Variants in SCRN1 observed in about 807,000 individuals in gnomAD.
The protein encoded by SCRN1 is secernin-1.
SCRN1 carries 19 observed loss-of-function variants against 43.3 expected under a neutral mutation model. That is an observed-to-expected ratio of 0.44 (90% CI 0.31 to 0.64). SCRN1 has a LOEUF of 0.64. Ranked by LOEUF, SCRN1 falls within the 30% of genes least tolerant of loss-of-function variation. The pLI, the probability that SCRN1 is intolerant of heterozygous loss-of-function variation, is 0.09. For missense variants in SCRN1, 447 were observed against 524.1 expected (o/e 0.85, Z 1.44); for synonymous variants, 183 against 188.9 (o/e 0.97, Z 0.26).
chr7:29,932,451 G>A (rs113249148), intron 6 of SCRN1, among the ~76,000 whole-genome samples: 3,091 of 151,928 alleles, frequency 0.02, 49 homozygotes, highest in East Asian at 0.068. Context: ...TCAGGACTTC[G>A]AGACCAGCCT....
intron 1 of SCRN1, among the ~76,000 whole-genome samples, chr7:29,969,514 G>T (rs1788603165): frequency 6.6e-6 from 1 of 152,212 alleles, no homozygotes; most frequent in Non-Finnish European, 1.5e-5. Flanking sequence ...TTTGGGGTGT[G>T]ATGAGGAAAT....
At chr7:29,947,146 T>C in intron 3 of SCRN1, 4 of 1,535,484 alleles carry the variant, frequency 2.6e-6, no homozygotes, top group Non-Finnish European at 3.5e-6. Context: ...ATCTATCTTC[T>C]GTGCAGTTCG....
In SCRN1 at chr7:29,923,043, T is replaced by C. The variant is rs1284547627; in HGVS notation, c.*914A>G. Reference sequence around the variant, plus strand: ...TTCTTTCCCTCCTTGGCTGAGAGATTCACTACTCTGTGGGTGGAACTGTGC... The same window carrying C: ...TTCTTTCCCTCCTTGGCTGAGAGATCCACTACTCTGTGGGTGGAACTGTGC... On this transcript the variant is annotated 3_prime_UTR_variant, in exon 8 of 8. Transcript: ENST00000242059. 1 of 123,448 alleles carries C rather than the reference T, an allele frequency of 8.1e-6. No homozygotes were observed. Among genetic ancestry groups the C allele is most frequent in the Non-Finnish European group, 1.9e-5 (1 of 51,900 alleles). The allele number at this position is 123,448 out of a possible 1,614,324, so 7.6% of individuals were successfully genotyped here.
intron 1 of SCRN1, among the ~76,000 whole-genome samples, chr7:29,986,836 T>C (rs1789175258): frequency 6.7e-6 from 1 of 149,696 alleles, no homozygotes; most frequent in South Asian, 2.1e-4. Context: ...GCGATTCTCC[T>C]GCCTCAGCCT....
At chr7:29,943,078 G>T (rs1298767760) in intron 4 of SCRN1, among the ~76,000 whole-genome samples, 1 of 152,186 alleles carries the variant, frequency 6.6e-6, no homozygotes, top group African/African-American at 2.4e-5. Context: ...ACTTGGAAGA[G>T]ACTTCCTGGT....
chr7:29,936,869 A>C, intron 5 of SCRN1, 148 bp from the exon 6 acceptor site: 2 of 454,392 alleles, frequency 4.4e-6, no homozygotes, highest in East Asian at 4.2e-5. Flanking sequence ...ACACGGTGAA[A>C]CCCCGTCTGT....
At chr7:29,926,297 G>A (rs1033187350) in intron 7 of SCRN1, among the ~76,000 whole-genome samples, 155 bp downstream of exon 7, 2 of 152,232 alleles carry the variant, frequency 1.3e-5, no homozygotes, top group African/African-American at 4.8e-5. Flanking sequence ...CAGCCTTCTA[G>A]GAAAGGCCCC....
rs529607507 is a variant in SCRN1, at chr7:29,985,233, G to A, written c.-2+4409C>T. On this transcript the variant is annotated intron_variant, in intron 1 of 7. Coordinates refer to ENST00000242059, the MANE Select transcript of SCRN1 (RefSeq NM_014766.5). Reference sequence around the variant, plus strand: ...AGCCTGACCAACATGGTGAAACCCCGTCTCTACTAAAAAATACAAAAATTA... The same window carrying A: ...AGCCTGACCAACATGGTGAAACCCCATCTCTACTAAAAAATACAAAAATTA... Among the ~76,000 whole-genome samples the A allele has an allele frequency of 1.1e-3, 151 of 142,850 alleles. 18 individuals carry two copies. Among genetic ancestry groups the A allele is most frequent in the African/African-American group, 4.0e-3 (151 of 37,498 alleles). The allele number at this position is 142,850 out of a possible 152,430, so 93.7% of individuals were successfully genotyped here. A position where few individuals can be genotyped will look rare whatever the true frequency, so the allele number is the denominator to read the frequency against.
chr7:29,982,682 C>CAAAAAA (rs10538004), intron 1 of SCRN1, among the ~76,000 whole-genome samples: 2 of 64,740 alleles, frequency 3.1e-5, no homozygotes, highest in Non-Finnish European at 6.0e-5. Context: ...GACCCTGTCT[C>CAAAAAA]AAAAAAAAAA....
At chr7:29,964,191 A>G (rs138949493) in intron 2 of SCRN1, among the ~76,000 whole-genome samples, 2 of 152,340 alleles carry the variant, frequency 1.3e-5, no homozygotes, top group Middle Eastern at 3.4e-3. Context: ...TTAAAAACTT[A>G]TGTCTACACA....
At chr7:29,949,664 C>T (rs546915928) in intron 3 of SCRN1, among the ~76,000 whole-genome samples, 1 of 147,382 alleles carries the variant, frequency 6.8e-6, no homozygotes, top group South Asian at 2.2e-4. Context: ...GGGCATAACC[C>T]ACCACATCAG....
chr7:29,923,982 T>C lies in SCRN1; in HGVS notation c.1220A>G (p.Asp407Gly). The change falls in exon 8 of 8, where the codon GAC becomes GGC. Residue 407 changes from aspartate (D) to glycine (G), a missense_variant. Coordinates refer to ENST00000242059, the MANE Select transcript of SCRN1 (RefSeq NM_014766.5). Reference sequence around the variant, plus strand: ...TCACTTAAAGAACTTAATCTCCGTGTCAACACAGTCATAGAAAAGGTCCCC... The same window carrying C: ...TCACTTAAAGAACTTAATCTCCGTGCCAACACAGTCATAGAAAAGGTCCCC... ...EVGDLFYDCV[D>G]TEIKFFK is the part of the protein sequence containing the mutation. 6.2e-7 allele frequency: 1 copy of C among 1,613,666 alleles called. No individual in the cohort carries two copies. Among genetic ancestry groups the C allele is most frequent in the Non-Finnish European group, 8.5e-7 (1 of 1,179,860 alleles).
At position 29,926,405 on chromosome 7, in the gene SCRN1, G is replaced by A. The variant is rs373499738; in HGVS notation, c.1086+47C>T. The A allele has an allele frequency of 6.6e-5, 105 of 1,588,798 alleles. 1 individual carries two copies. In the African/African-American group the frequency reaches 1.1e-3, roughly 17 times the overall value. On this transcript the variant is annotated intron_variant, in intron 7 of 7. Transcript: ENST00000242059. ...CCCTGCCTCCTTCCTCGCTGACCTC[G>A]CCCGCCCGCCTCCGCCTCCGCCTCT...
At chr7:29,962,203 T>G (rs1220727654) in intron 2 of SCRN1, among the ~76,000 whole-genome samples, 3 of 148,132 alleles carry the variant, frequency 2.0e-5, no homozygotes, top group Non-Finnish European at 4.5e-5. Context: ...ATAATTAAAT[T>G]ATACAATTAT....
upstream of SCRN1, chr7:29,989,964 G>A: frequency 1.4e-6 from 2 of 1,381,602 alleles, no homozygotes; most frequent in Non-Finnish European, 1.9e-6. Context: ...GAGGGGGCCT[G>A]GGAGCTGGAG....
intron 2 of SCRN1, among the ~76,000 whole-genome samples, chr7:29,966,354 T>A (rs1467867119): frequency 6.6e-6 from 1 of 152,172 alleles, no homozygotes; most frequent in African/African-American, 2.4e-5. Context: ...AGGAGTGCCC[T>A]TCACACTGGA....
intron 2 of SCRN1, among the ~76,000 whole-genome samples, chr7:29,966,201 GA>G: frequency 6.7e-6 from 1 of 148,388 alleles, no homozygotes; most frequent in Non-Finnish European, 1.5e-5. Context: ...GAGAGAGAGA[GA>G]GAAGCTGTAT....
In SCRN1 at chr7:29,972,173, C is replaced by T. The variant is rs145495057; in HGVS notation, c.-1-3105G>A. Among the ~76,000 whole-genome samples the T allele has an allele frequency of 2.5e-3, 381 of 152,252 alleles. 1 individual carries two copies. Among genetic ancestry groups the T allele is most frequent in the African/African-American group, 8.8e-3 (364 of 41,534 alleles). ...TAGAGTGCTACTAGAATCTGGGCAT[C>T]GGGGGAATTGCTGGAGACAAATAAA... On this transcript the variant is annotated intron_variant, in intron 1 of 7. Transcript: ENST00000242059.
rs1372172592 is a variant in SCRN1, at chr7:29,922,297, C to T, written c.*1660G>A. On this transcript the variant is annotated 3_prime_UTR_variant, in exon 8 of 8. Coordinates refer to ENST00000242059, the MANE Select transcript of SCRN1 (RefSeq NM_014766.5). ...AAAGCTCATGGCACTCCTATACTCACGCTCTGGAGAGTTGGTAGAAAAAAA... is the reference window on the plus strand; with the variant it reads ...AAAGCTCATGGCACTCCTATACTCATGCTCTGGAGAGTTGGTAGAAAAAAA... The T allele has an allele frequency of 5.3e-5, 8 of 152,202 alleles. No homozygotes were observed. Among genetic ancestry groups the T allele is most frequent in the East Asian group, 1.9e-4 (1 of 5,204 alleles). The allele number at this position is 152,202 out of a possible 1,614,324, so 9.4% of individuals were successfully genotyped here. A position where few individuals can be genotyped will look rare whatever the true frequency, so the allele number is the denominator to read the frequency against.
Sources: allele counts gnomAD v4.1 joint callset (sites outside exome capture counted in the v4.1 genomes callset), GRCh38; gene constraint gnomAD v4.1.1; transcripts MANE v1.5; gene names NCBI Gene and HGNC (gene_info 2026-07-23, HGNC 2026-07-21).